Variants in PIBF1 observed in about 807,000 individuals in gnomAD.
The protein encoded by PIBF1 is progesterone-induced-blocking factor 1.
PIBF1 carries 90 observed loss-of-function variants against 112.5 expected under a neutral mutation model. The observed-to-expected ratio is 0.80, with a 90% CI of 0.67 to 0.95. The LOEUF (loss-of-function observed/expected upper bound fraction) is 0.95. PIBF1 is among the 40% of genes least tolerant of loss of function. The pLI, the probability that PIBF1 is intolerant of heterozygous loss-of-function variation, is 0.00. For synonymous variants in PIBF1, 301 were observed against 288.6 expected (o/e 1.04, Z -0.44); for missense variants, 915 against 852.3 (o/e 1.07, Z -0.92).
intron 16 of PIBF1, among the ~76,000 whole-genome samples, chr13:72,993,236 G>A (rs1193662897): frequency 6.6e-6 from 1 of 151,764 alleles, no homozygotes; most frequent in African/African-American, 2.4e-5. Flanking sequence ...AAGGTGGGAG[G>A]ATCGCTTGAG....
chr13:72,999,550 CA>C (rs1295925696), intron 17 of PIBF1, among the ~76,000 whole-genome samples: 1 of 152,040 alleles, frequency 6.6e-6, no homozygotes, highest in Non-Finnish European at 1.5e-5. Flanking sequence ...GACTCAAAAC[CA>C]GAAAGATTTT....
intron 14 of PIBF1, among the ~76,000 whole-genome samples, chr13:72,946,933 A>C (rs1231482326): frequency 6.6e-6 from 1 of 152,178 alleles, no homozygotes; most frequent in African/African-American, 2.4e-5. Flanking sequence ...AGGTGTTAGT[A>C]GATCTACAGT....
chr13:72,801,978 A>T (rs2035501303), intron 5 of PIBF1, among the ~76,000 whole-genome samples: 1 of 148,004 alleles, frequency 6.8e-6, no homozygotes, highest in Non-Finnish European at 1.5e-5. Flanking sequence ...CAGTACAGTT[A>T]TGTAAATGTA....
intron 13 of PIBF1, among the ~76,000 whole-genome samples, chr13:72,926,775 A>T (rs1353012085): frequency 6.6e-6 from 1 of 152,112 alleles, no homozygotes; most frequent in Non-Finnish European, 1.5e-5. Flanking sequence ...CTGCTTCTTC[A>T]CCAGATTAGT....
At chr13:72,789,118 A>T (rs2034758602) in intron 2 of PIBF1, among the ~76,000 whole-genome samples, 1 of 152,080 alleles carries the variant, frequency 6.6e-6, no homozygotes, top group African/African-American at 2.4e-5. Flanking sequence ...TTACACTTTT[A>T]TTTCCATCTA....
intron 14 of PIBF1, among the ~76,000 whole-genome samples, chr13:72,960,823 G>A (rs1312704572): frequency 6.6e-6 from 1 of 152,040 alleles, no homozygotes; most frequent in Admixed American, 6.6e-5. Context: ...ATATTTGAAT[G>A]TTCATAAAGT....
intron 17 of PIBF1, among the ~76,000 whole-genome samples, chr13:73,003,986 A>T (rs960119029): frequency 2.6e-5 from 4 of 152,092 alleles, no homozygotes; most frequent in Non-Finnish European, 5.9e-5. Context: ...AAGTGCTGGG[A>T]TTATAGTCAT....
chr13:72,862,323 A>G (rs1164244682), intron 10 of PIBF1, among the ~76,000 whole-genome samples: 1 of 152,152 alleles, frequency 6.6e-6, no homozygotes, highest in Admixed American at 6.5e-5. Context: ...AAATAAATCT[A>G]AGCTGCATGC....
chr13:72,958,553 C>T (rs2042516939), intron 14 of PIBF1, among the ~76,000 whole-genome samples: 1 of 152,026 alleles, frequency 6.6e-6, no homozygotes, highest in Admixed American at 6.6e-5. Context: ...AAAATACTAG[C>T]AGAAACACTG....
intron 5 of PIBF1, among the ~76,000 whole-genome samples, chr13:72,807,576 A>C (rs63708263): frequency 0.019 from 1 of 52 alleles, no homozygotes; most frequent in African/African-American, 0.042. Context: ...GTTTGTCTCA[A>C]AAAAAAAAAT....
chr13:72,914,366 C>T (rs2041009868), intron 12 of PIBF1, among the ~76,000 whole-genome samples: 1 of 151,796 alleles, frequency 6.6e-6, no homozygotes, highest in Non-Finnish European at 1.5e-5. Context: ...GCTAAATAAA[C>T]TCATATTAGA....
At chr13:72,905,220 A>G (rs1214892930) in intron 11 of PIBF1, among the ~76,000 whole-genome samples, 3 of 152,058 alleles carry the variant, frequency 2.0e-5, no homozygotes, top group African/African-American at 7.2e-5. Flanking sequence ...TGCACGCACC[A>G]CAACACCCGG....
intron 13 of PIBF1, among the ~76,000 whole-genome samples, chr13:72,920,474 G>A (rs1412646072): frequency 6.6e-6 from 1 of 152,110 alleles, no homozygotes; most frequent in Non-Finnish European, 1.5e-5. Context: ...CCCAGGTTAG[G>A]GTCTGATACA....
chr13:72,976,232 C>G (rs1024129052), intron 16 of PIBF1, among the ~76,000 whole-genome samples: 2 of 151,844 alleles, frequency 1.3e-5, no homozygotes, highest in African/African-American at 4.8e-5. Flanking sequence ...CTGTGAATAG[C>G]CACTGCACTC....
chr13:72,810,857 ATTT>A (rs34414482), intron 5 of PIBF1, among the ~76,000 whole-genome samples: 2 of 141,782 alleles, frequency 1.4e-5, no homozygotes, highest in African/African-American at 2.6e-5. Context: ...AAGAACCTCA[ATTT>A]TTTTTTTTTT....
At chr13:72,842,161 G>A (rs928615150) in intron 9 of PIBF1, among the ~76,000 whole-genome samples, 3 of 152,138 alleles carry the variant, frequency 2.0e-5, no homozygotes, top group Non-Finnish European at 4.4e-5. Flanking sequence ...TCCTAATTAG[G>A]TTATGAGATA....
chr13:72,998,576 G>A (rs1014706560), intron 16 of PIBF1, among the ~76,000 whole-genome samples: 8 of 152,144 alleles, frequency 5.3e-5, no homozygotes, highest in African/African-American at 1.9e-4. Flanking sequence ...AGCTCCACAG[G>A]TGATTTCAGT....
At chr13:72,883,036 C>T (rs188575304) in intron 10 of PIBF1, among the ~76,000 whole-genome samples, 1 of 152,176 alleles carries the variant, frequency 6.6e-6, no homozygotes, top group East Asian at 1.9e-4. Context: ...TCTGCACTTC[C>T]ATACTTATTG....
At chr13:72,822,281 A>G (rs1201937679) in intron 6 of PIBF1, among the ~76,000 whole-genome samples, 2 of 152,152 alleles carry the variant, frequency 1.3e-5, no homozygotes, top group African/African-American at 4.8e-5. Flanking sequence ...AGTGGAATCA[A>G]TTTAAATACT....
Sources: gnomAD v4.1 joint callset for allele counts (sites outside exome capture counted in the v4.1 genomes callset) on GRCh38, gnomAD v4.1.1 for gene constraint, MANE v1.5 for transcripts, NCBI Gene and HGNC (gene_info 2026-07-23, HGNC 2026-07-21) for gene names.